Variants in ASTN2 observed in about 807,000 individuals in gnomAD.
ASTN2 encodes the protein astrotactin-2.
A neutral mutation model predicts 139.8 loss-of-function variants in ASTN2; 54 were observed. That is an observed-to-expected ratio of 0.39 (90% CI 0.31 to 0.48). ASTN2 has a LOEUF of 0.48. Among genes scored for constraint, ASTN2 ranks in the 20% least tolerant of loss-of-function variants. The pLI is 0.95. For missense variants in ASTN2, 1,565 were observed against 1,725.1 expected, an observed-to-expected ratio of 0.91 and a Z score of 1.64; for synonymous variants, 756 against 719.5, an observed-to-expected ratio of 1.05 and a Z score of -0.81.
intron 19 of ASTN2, chr9:116,546,055 TAGGAGAAGACA>T (rs1852077822): frequency 6.6e-6 from 1 of 152,172 alleles, no homozygotes; most frequent in African/African-American, 2.4e-5. Context: ...ACTGCAGTTA[TAGGAGAAGACA>T]GGGAGGAGAT....
rs1831286780 is a variant in ASTN2 at position 117,414,870 on chromosome 9, G to A, written c.69C>T (p.Cys23=). 1.4e-5 allele frequency: 14 copies of A among 1,006,684 alleles called. No individual in the cohort carries two copies. The South Asian group carries it at 4.9e-4, about 35-fold the overall frequency. 62.4% of individuals were successfully genotyped at this position (1,006,684 alleles called of 1,614,324 possible). The change falls in exon 1 of 23, where the codon TGC becomes TGT. Residue 23 remains cysteine, a synonymous_variant. Coordinates refer to ENST00000313400, the MANE Select transcript of ASTN2 (RefSeq NM_001365068.1). The surrounding 1 kb of genome is among the most constrained non-coding windows in gnomAD (Gnocchi z 4.2). ...GCAGTGGCGGCGGCCCCGGGTGGAA[G>A]CAGAGCCTCGGCCGCCCCCGGAGCC... ...GSGLRGRPRL[C]FHPGPPPLLP...
intron 16 of ASTN2, among the ~76,000 whole-genome samples, chr9:116,722,979 C>T (rs529033377): frequency 9.2e-5 from 14 of 152,290 alleles, no homozygotes; most frequent in Non-Finnish European, 1.9e-4. Flanking sequence ...TCCTGGCTAA[C>T]ACAGTGAAAC....
chr9:117,204,622 T>G (rs75058577), intron 3 of ASTN2, among the ~76,000 whole-genome samples: 1,934 of 152,228 alleles, frequency 0.013, 32 homozygotes, highest in East Asian at 0.082. Flanking sequence ...GATTACTCAT[T>G]TGGGTTGGGT....
intron 1 of ASTN2, 35 bp from the exon 2 acceptor site, chr9:117,291,548 T>G: frequency 6.5e-7 from 1 of 1,548,610 alleles, no homozygotes; most frequent in Admixed American, 1.9e-5. Flanking sequence ...GGGTGAGCCG[T>G]ACGCCTGGCC....
intron 16 of ASTN2, among the ~76,000 whole-genome samples, chr9:116,675,037 T>A (rs1859422041): frequency 6.6e-6 from 1 of 152,126 alleles, no homozygotes; most frequent in Non-Finnish European, 1.5e-5. Context: ...CCTGGGCAGT[T>A]ACAAATTCAG....
intron 16 of ASTN2, among the ~76,000 whole-genome samples, chr9:116,655,032 G>C (rs1409863788): frequency 6.6e-6 from 1 of 152,176 alleles, no homozygotes; most frequent in Non-Finnish European, 1.5e-5. Flanking sequence ...TAGCAGTATA[G>C]AATTTACAGC....
chr9:117,190,964 AGTTC>A lies in ASTN2; in HGVS notation c.1015+23390_1015+23393del, dbSNP rs899280051. 2.0e-5 allele frequency among the ~76,000 whole-genome samples: 3 copies of A among 152,316 alleles called. No individual in the cohort carries two copies. In the East Asian group the frequency reaches 5.8e-4, roughly 29 times the overall value. ...TTGCTTTATCTTCAGTGCCTTAAAT[AGTTC>A]CTGACACACAGTAGGTACTTAATTA... On this transcript the variant is annotated intron_variant, in intron 3 of 22. Transcript: ENST00000313400.
At chr9:117,259,146 C>A (rs552192393) in intron 2 of ASTN2, among the ~76,000 whole-genome samples, 1 of 152,222 alleles carries the variant, frequency 6.6e-6, no homozygotes, top group South Asian at 2.1e-4. Context: ...AAGCTCCTGA[C>A]CTCAAAAATG....
chr9:117,102,510 A>G (rs920307366), intron 4 of ASTN2, among the ~76,000 whole-genome samples: 4 of 152,036 alleles, frequency 2.6e-5, no homozygotes, highest in Non-Finnish European at 5.9e-5. Context: ...TGAATTATAC[A>G]CTTTAAAATG....
At chr9:117,227,405 C>G (rs981742987) in intron 2 of ASTN2, among the ~76,000 whole-genome samples, 4 of 152,150 alleles carry the variant, frequency 2.6e-5, no homozygotes, top group African/African-American at 9.7e-5. Context: ...CCAAGAACAG[C>G]ACTTAGTGTT....
intron 11 of ASTN2, among the ~76,000 whole-genome samples, chr9:116,862,214 G>A (rs1379988578): frequency 6.6e-6 from 1 of 152,064 alleles, no homozygotes; most frequent in African/African-American, 2.4e-5. Context: ...TGTGTGTTCT[G>A]TCTCCCTTGG....
chr9:116,879,891 C>G (rs550883447), intron 10 of ASTN2, among the ~76,000 whole-genome samples: 1 of 152,232 alleles, frequency 6.6e-6, no homozygotes, highest in East Asian at 1.9e-4. Flanking sequence ...GCCTATGAAG[C>G]CTATGGACCA....
At chr9:116,869,976 T>G (rs1833116523) in intron 10 of ASTN2, among the ~76,000 whole-genome samples, 1 of 148,460 alleles carries the variant, frequency 6.7e-6, no homozygotes, top group African/African-American at 2.5e-5. Context: ...CCAGGTGTAG[T>G]GGTGTGTGCC....
At chr9:117,070,777 C>T (rs368170437) in intron 5 of ASTN2, among the ~76,000 whole-genome samples, 1 of 151,598 alleles carries the variant, frequency 6.6e-6, no homozygotes, top group Non-Finnish European at 1.5e-5. Flanking sequence ...CCATTGCTGA[C>T]ACCCTTTCTT....
At chr9:117,174,507 T>C (rs926156689) in intron 3 of ASTN2, among the ~76,000 whole-genome samples, 4 of 151,970 alleles carry the variant, frequency 2.6e-5, no homozygotes, top group African/African-American at 7.2e-5. Flanking sequence ...CTTCACATAA[T>C]AATTACATAT....
At chr9:117,374,352 C>T (rs1397005506) in intron 1 of ASTN2, among the ~76,000 whole-genome samples, 3 of 122,420 alleles carry the variant, frequency 2.5e-5, no homozygotes, top group Non-Finnish European at 4.8e-5. Context: ...AATTATGAGG[C>T]TGCATAAGGG....
At chr9:116,712,842 G>A (rs545861236) in intron 16 of ASTN2, among the ~76,000 whole-genome samples, 2 of 152,260 alleles carry the variant, frequency 1.3e-5, no homozygotes, top group Admixed American at 6.5e-5. Context: ...AAGCTGTTAC[G>A]AACGTAAAAA....
intron 2 of ASTN2, 99 bp from the exon 3 acceptor site, chr9:117,214,841 G>T: frequency 7.8e-7 from 1 of 1,285,470 alleles, no homozygotes; most frequent in South Asian, 3.1e-5. Context: ...AGGATCCCTG[G>T]GTTTGGCTCA....
chr9:117,082,632 T>C (rs769008955), intron 5 of ASTN2, among the ~76,000 whole-genome samples: 12 of 152,112 alleles, frequency 7.9e-5, no homozygotes, highest in Admixed American at 6.5e-5. Context: ...TGAAACCCCA[T>C]CCCTACTAAA....
Sources: gnomAD v4.1 joint callset for allele counts (sites outside exome capture counted in the v4.1 genomes callset) on GRCh38, gnomAD v4.1.1 for gene constraint, Gnocchi (gnomAD v3.1) non-coding constraint, MANE v1.5 for transcripts, NCBI Gene and HGNC (gene_info 2026-07-23, HGNC 2026-07-21) for gene names.